NKAIN2: variants seen among roughly 807,000 people sequenced by gnomAD.
NKAIN2 encodes sodium/potassium-transporting ATPase subunit beta-1-interacting protein 2.
NKAIN2 carries 14 observed loss-of-function variants against 32.6 expected under a neutral mutation model. The ratio of observed to expected loss-of-function variants is 0.43; its 90% CI spans 0.28 to 0.67. The LOEUF is 0.67. Ranked by LOEUF, NKAIN2 falls within the 30% of genes least tolerant of loss-of-function variation. The pLI is 0.17. For synonymous variants in NKAIN2, 80 were observed against 87.2 expected, an observed-to-expected ratio of 0.92 and a Z score of 0.46; for missense variants, 198 against 258.3, an observed-to-expected ratio of 0.77 and a Z score of 1.60.
chr6:124,439,554 C>T (rs1317899972), intron 3 of NKAIN2, among the ~76,000 whole-genome samples: 4 of 151,702 alleles, frequency 2.6e-5, no homozygotes, highest in African/African-American at 7.3e-5. Context: ...TGTATTAGGC[C>T]TTTAAAATTA....
At chr6:124,818,052 A>T (rs1167406129) in intron 5 of NKAIN2, among the ~76,000 whole-genome samples, 1 of 152,182 alleles carries the variant, frequency 6.6e-6, no homozygotes, top group African/African-American at 2.4e-5. Context: ...TACACTAACC[A>T]AAAAGGCATA....
At chr6:123,883,640 TTAA>T (rs1361292202) in intron 1 of NKAIN2, among the ~76,000 whole-genome samples, 23 of 148,358 alleles carry the variant, frequency 1.6e-4, no homozygotes, top group Admixed American at 1.3e-4. Flanking sequence ...AACCTCTTTT[TTAA>T]AAAAAAATTT....
chr6:124,172,537 A>G (rs898745213), intron 1 of NKAIN2, among the ~76,000 whole-genome samples: 4 of 152,214 alleles, frequency 2.6e-5, no homozygotes, highest in Non-Finnish European at 4.4e-5. Flanking sequence ...ATTGACTGCA[A>G]TGATATCAGA....
chr6:124,188,826 A>T (rs1159322746), intron 1 of NKAIN2, among the ~76,000 whole-genome samples: 2 of 152,188 alleles, frequency 1.3e-5, no homozygotes, highest in East Asian at 3.9e-4. Context: ...AGTCATCAAA[A>T]TCCATACTTA....
At chr6:123,851,381 C>A (rs200756908) in intron 1 of NKAIN2, among the ~76,000 whole-genome samples, 5 of 48,596 alleles carry the variant, frequency 1.0e-4, no homozygotes, top group African/African-American at 2.3e-4. Context: ...TCCTGAGTAG[C>A]TGGGATTACA....
At chr6:124,604,718 C>T (rs9388346) in intron 3 of NKAIN2, among the ~76,000 whole-genome samples, 30,304 of 151,840 alleles carry the variant, frequency 0.2, 3,594 homozygotes, top group African/African-American at 0.33. Flanking sequence ...TAGCATTTTA[C>T]CTATTTGAGT....
At chr6:124,106,039 T>G (rs1307224165) in intron 1 of NKAIN2, among the ~76,000 whole-genome samples, 1 of 152,022 alleles carries the variant, frequency 6.6e-6, no homozygotes, top group Non-Finnish European at 1.5e-5. Flanking sequence ...GGATTTGAAC[T>G]CAAGTAGCAT....
intron 3 of NKAIN2, among the ~76,000 whole-genome samples, chr6:124,648,895 G>A (rs1483664659): frequency 6.6e-6 from 1 of 151,978 alleles, no homozygotes; most frequent in South Asian, 2.1e-4. Flanking sequence ...ATAGCACATG[G>A]GTCAAGAATA....
chr6:123,850,310 G>A (rs1378127541), intron 1 of NKAIN2, among the ~76,000 whole-genome samples: 7 of 144,358 alleles, frequency 4.8e-5, no homozygotes, highest in South Asian at 2.2e-4. Context: ...ACATTTCCCC[G>A]CCTAACTGGC....
intron 1 of NKAIN2, among the ~76,000 whole-genome samples, chr6:123,808,846 G>C (rs1773333497): frequency 6.6e-6 from 1 of 152,180 alleles, no homozygotes; most frequent in Non-Finnish European, 1.5e-5. Context: ...TTTCAGAGTG[G>C]AAGTCAGGGA....
At chr6:124,380,533 G>A (rs1772587643) in intron 3 of NKAIN2, among the ~76,000 whole-genome samples, 1 of 152,098 alleles carries the variant, frequency 6.6e-6, no homozygotes, top group Non-Finnish European at 1.5e-5. Flanking sequence ...ACCTGATGAG[G>A]TCTTAAGGAG....
At chr6:124,566,954 A>G (rs1451319888) in intron 3 of NKAIN2, among the ~76,000 whole-genome samples, 1 of 152,234 alleles carries the variant, frequency 6.6e-6, no homozygotes, top group Non-Finnish European at 1.5e-5. Context: ...CAATGCAGAC[A>G]TATGTTCTGA....
At chr6:124,727,073 A>C (rs1177085093) in intron 4 of NKAIN2, among the ~76,000 whole-genome samples, 1 of 152,148 alleles carries the variant, frequency 6.6e-6, no homozygotes, top group Non-Finnish European at 1.5e-5. Flanking sequence ...GACCAAATCT[A>C]CGTCTGATTG....
At chr6:123,813,580 G>A (rs140616187) in intron 1 of NKAIN2, among the ~76,000 whole-genome samples, 2 of 148,482 alleles carry the variant, frequency 1.3e-5, no homozygotes, top group Non-Finnish European at 3.1e-5. Flanking sequence ...GGGAGGCCGA[G>A]GCCGGTAGAT....
intron 1 of NKAIN2, among the ~76,000 whole-genome samples, chr6:124,004,357 G>A (rs1249042229): frequency 1.3e-5 from 2 of 151,896 alleles, no homozygotes; most frequent in African/African-American, 2.4e-5. Flanking sequence ...ATATATTTAT[G>A]AGAAAGAATA....
chr6:124,562,084 T>C lies in NKAIN2; in HGVS notation c.274-96102T>C, dbSNP rs988162417. On this transcript the variant is annotated intron_variant, in intron 3 of 6. Transcript: ENST00000368417. ...TGTGAAAGCTCAGTTCATAGTCATG[T>C]AAATGTGTAGTGACTTTTCAAGTTA... Among the ~76,000 whole-genome samples, 3 of 152,228 alleles carry C rather than the reference T, an allele frequency of 2.0e-5. No homozygotes were observed. The South Asian group carries it at 6.2e-4, about 31-fold the overall frequency.
chr6:123,913,621 A>G (rs1003453492), intron 1 of NKAIN2, among the ~76,000 whole-genome samples: 5 of 152,148 alleles, frequency 3.3e-5, no homozygotes, highest in Non-Finnish European at 7.3e-5. Flanking sequence ...TGTTAATTAC[A>G]TATTTTGTTA....
intron 4 of NKAIN2, among the ~76,000 whole-genome samples, chr6:124,750,382 C>T (rs1446168933): frequency 3.3e-5 from 5 of 151,830 alleles, no homozygotes; most frequent in African/African-American, 1.2e-4. Flanking sequence ...TCTATACCCA[C>T]CTGTGTCCTC....
intron 1 of NKAIN2, among the ~76,000 whole-genome samples, chr6:123,915,551 G>A (rs950515328): frequency 6.6e-6 from 1 of 152,138 alleles, no homozygotes; most frequent in Non-Finnish European, 1.5e-5. Flanking sequence ...GTGACTCAAC[G>A]TTGTTTCAAA....
Sources: allele counts gnomAD v4.1 joint callset (sites outside exome capture counted in the v4.1 genomes callset), GRCh38; gene constraint gnomAD v4.1.1; transcripts MANE v1.5; gene names NCBI Gene and HGNC (gene_info 2026-07-23, HGNC 2026-07-21).